Variants in RNF17 observed in about 807,000 individuals in gnomAD.
RNF17 encodes the protein spermatogenesis associated 23.
In RNF17, 31 loss-of-function variants were observed where a neutral mutation model predicts 200.5. The observed-to-expected ratio is 0.15, with a 90% confidence interval of 0.12 to 0.21. The LOEUF (loss-of-function observed/expected upper bound fraction) is 0.21. Ranked by LOEUF, RNF17 falls within the 10% of genes least tolerant of loss-of-function variation. The pLI is 1.00. For synonymous variants in RNF17, 606 were observed against 637.8 expected (o/e 0.95, Z 0.75); for missense variants, 1,628 against 1,905.1 (o/e 0.85, Z 2.71).
chr13:24,765,633 C>A (rs1879570368), intron 1 of RNF17, among the ~76,000 whole-genome samples: 1 of 152,114 alleles, frequency 6.6e-6, no homozygotes, highest in Non-Finnish European at 1.5e-5. Flanking sequence ...GAATAAAGTT[C>A]TAGAACACAA....
chr13:24,789,257 C>A, intron 7 of RNF17, 91 bp from the exon 8 acceptor site: 2 of 864,188 alleles, frequency 2.3e-6, no homozygotes, highest in Non-Finnish European at 3.8e-6. Flanking sequence ...AATGAAATAC[C>A]TAAAAGATAC....
At chr13:24,809,697 T>C (rs1005014250) in intron 15 of RNF17, among the ~76,000 whole-genome samples, 1 of 152,212 alleles carries the variant, frequency 6.6e-6, no homozygotes, top group African/African-American at 2.4e-5. Flanking sequence ...CGAATGTGTT[T>C]GCTCTTGCTT....
At chr13:24,823,486 G>A (rs1365650886) in intron 15 of RNF17, among the ~76,000 whole-genome samples, 2 of 152,136 alleles carry the variant, frequency 1.3e-5, no homozygotes, top group East Asian at 1.9e-4. Context: ...TCTTTGGCTT[G>A]TACTCAGCTA....
intron 33 of RNF17, among the ~76,000 whole-genome samples, chr13:24,876,515 T>C (rs1470831786): frequency 2.0e-5 from 3 of 152,234 alleles, no homozygotes; most frequent in Non-Finnish European, 4.4e-5. Context: ...TTTCCCATAG[T>C]GGCTGCGCCA....
chr13:24,815,645 T>G (rs945814245), intron 15 of RNF17, among the ~76,000 whole-genome samples: 2 of 152,220 alleles, frequency 1.3e-5, no homozygotes, highest in African/African-American at 4.8e-5. Context: ...CCTTGTCTTA[T>G]TCCTGTCTTA....
intron 31 of RNF17, 21 bp from the exon 32 acceptor site, chr13:24,870,550 C>T: frequency 6.3e-7 from 1 of 1,595,284 alleles, no homozygotes; most frequent in Non-Finnish European, 8.6e-7. Context: ...TGAAAGTTTT[C>T]CTTTCATTCT....
chr13:24,760,089 T>C (rs6490978), upstream of RNF17, among the ~76,000 whole-genome samples: 122,721 of 152,034 alleles, frequency 0.81, 50,221 homozygotes, highest in East Asian at 1. Context: ...TGCAGCGAGC[T>C]GAGATCACGC....
intron 32 of RNF17, among the ~76,000 whole-genome samples, chr13:24,871,517 T>C (rs1458976388): frequency 1.3e-5 from 2 of 152,088 alleles, no homozygotes; most frequent in African/African-American, 4.8e-5. Flanking sequence ...TTTGTATTTT[T>C]AGTAGAGATG....
chr13:24,845,723 A>G (rs945967006), intron 22 of RNF17, among the ~76,000 whole-genome samples: 23 of 152,180 alleles, frequency 1.5e-4, no homozygotes, highest in African/African-American at 5.6e-4. Context: ...ACTAAGGGAT[A>G]AGGCAGGATG....
chr13:24,821,528 C>T (rs912798774), intron 15 of RNF17, among the ~76,000 whole-genome samples: 2 of 152,100 alleles, frequency 1.3e-5, no homozygotes, highest in African/African-American at 2.4e-5. Flanking sequence ...TTACTTCTCT[C>T]CATTCTTTTT....
In RNF17 at chr13:24,796,307, T is replaced by C. The variant is rs370571169; in HGVS notation, c.1399+12T>C. On this transcript the variant is annotated intron_variant, in intron 11 of 35. Coordinates refer to ENST00000255324, the MANE Select transcript of RNF17 (RefSeq NM_031277.3). Reference sequence around the variant, plus strand: ...CATTTTGGAACTAGGTAATGAAATATTAGTCCAAGTTAAAATATCAAATTT... The same window carrying C: ...CATTTTGGAACTAGGTAATGAAATACTAGTCCAAGTTAAAATATCAAATTT... 5.8e-6 allele frequency: 9 copies of C among 1,539,250 alleles called. No homozygotes were observed. In the African/African-American group the frequency reaches 1.2e-4, roughly 21 times the overall value.
intron 4 of RNF17, among the ~76,000 whole-genome samples, chr13:24,778,705 A>C (rs529318725): frequency 6.6e-6 from 1 of 152,304 alleles, no homozygotes; most frequent in African/African-American, 2.4e-5. Context: ...GTAAAGCATG[A>C]GTTTTTAAAT....
chr13:24,802,413 A>C lies in RNF17; in HGVS notation c.1791A>C (p.Glu597Asp). 2 of 1,613,260 alleles carry C rather than the reference A, an allele frequency of 1.2e-6. No individual in the cohort carries two copies. Among genetic ancestry groups the C allele is most frequent in the Non-Finnish European group, 1.7e-6 (2 of 1,179,742 alleles). Reference sequence around the variant, plus strand: ...GCTGGGAAGAGGAAGCTAAAGTGGAATTTTTGAAAATGGTAAATAACAAGG... The same window carrying C: ...GCTGGGAAGAGGAAGCTAAAGTGGACTTTTTGAAAATGGTAAATAACAAGG... ...NEGWEEEAKV[E>D]FLKMVNNKAV... Residue 597 changes from glutamate (E) to aspartate (D), a missense_variant, in exon 14 of 36, where the codon GAA (glutamate) becomes GAC (aspartate). Physicochemically the swap from Glu to Asp is conservative, Grantham distance 45 (BLOSUM62 2). Around this residue, in one of 5 missense-constraint regions of RNF17, gnomAD observed 289 missense variants for 384.9 expected, o/e 0.75. Coordinates refer to ENST00000255324, the MANE Select transcript of RNF17 (RefSeq NM_031277.3).
At chr13:24,789,549 C>T (rs1883577167) in intron 8 of RNF17, 125 bp downstream of exon 8, 1 of 894,708 alleles carries the variant, frequency 1.1e-6, no homozygotes. Context: ...AGTTAGTAAC[C>T]AAATTAAGAT....
chr13:24,800,439 C>T lies in RNF17; in HGVS notation c.1663C>T (p.Leu555=). Residue 555 remains leucine (L), a synonymous_variant, in exon 13 of 36, where the codon CTA becomes TTA. Transcript: ENST00000255324. ...TGCACTAAATGATTTATGTCTGGTT[C>T]TAAGGAAATCTGAACCATATACTGA... is the stretch of plus-strand genomic sequence containing the variant. ...HIALNDLCLV[L]RKSEPYTEGL... 1 of 1,613,234 alleles carries T rather than the reference C, an allele frequency of 6.2e-7. No homozygotes were observed. Among genetic ancestry groups the T allele is most frequent in the Non-Finnish European group, 8.5e-7 (1 of 1,179,490 alleles).
At chr13:24,826,152 T>C in intron 16 of RNF17, 1 of 921,216 alleles carries the variant, frequency 1.1e-6, no homozygotes, top group Non-Finnish European at 1.3e-6. Flanking sequence ...TCAATTTTAA[T>C]ATATTCTTCT....
intron 16 of RNF17, 94 bp downstream of exon 16, chr13:24,825,866 A>G (rs1299682574): frequency 1.4e-6 from 2 of 1,445,376 alleles, no homozygotes; most frequent in African/African-American, 1.4e-5. Flanking sequence ...AAGTAATGTT[A>G]TTTGATCTTA....
At position 24,870,676 on chromosome 13, in the gene RNF17, G is replaced by C. The variant is rs1392493729; in HGVS notation, c.4384G>C (p.Glu1462Gln). 4.3e-6 allele frequency: 7 copies of C among 1,614,082 alleles called. No individual in the cohort carries two copies. The highest frequency in any genetic ancestry group is 5.9e-6 in the Non-Finnish European group (7 of 1,180,036). The change falls in exon 32 of 36, where the codon GAA (glutamate) becomes CAA (glutamine). Residue 1462 changes from glutamate to glutamine, a missense_variant. By Grantham distance (29) the Glu-to-Gln change is conservative (BLOSUM62 2). Coordinates refer to ENST00000255324, the MANE Select transcript of RNF17 (RefSeq NM_031277.3). ...GGAATCAGAATCCGAGAGCCTTGAT[G>C]AAGCACTGCAGAGGGTTAATAAGAA... is the stretch of plus-strand genomic sequence containing the variant. ...SGESESESLD[E>Q]ALQRVNKKVE...
intron 5 of RNF17, 55 bp from the exon 6 acceptor site, chr13:24,781,786 ACTT>A: frequency 2.4e-6 from 3 of 1,273,288 alleles, no homozygotes; most frequent in Non-Finnish European, 3.3e-6. Flanking sequence ...AAATTCTACA[ACTT>A]CTACAAAATA....
Sources: allele counts gnomAD v4.1 joint callset (sites outside exome capture counted in the v4.1 genomes callset), GRCh38; gene constraint gnomAD v4.1.1; regional missense constraint gnomAD v4.1.1; transcripts MANE v1.5; gene names NCBI Gene and HGNC (gene_info 2026-07-23, HGNC 2026-07-21).